TMPRSS15: variants seen among roughly 807,000 people sequenced by gnomAD.
The protein encoded by TMPRSS15 is enteropeptidase.
Under a neutral mutation model 125.3 loss-of-function variants are expected in TMPRSS15, and 128 were observed. That is an observed-to-expected ratio of 1.02 (90% CI 0.89 to 1.18). The LOEUF (loss-of-function observed/expected upper bound fraction) is 1.18. TMPRSS15 is among the 50% of genes most tolerant of loss of function. The pLI is 0.00. For missense variants in TMPRSS15, 1,283 were observed against 1,212.7 expected, an observed-to-expected ratio of 1.06 and a Z score of -0.86; for synonymous variants, 446 against 423.2, an observed-to-expected ratio of 1.05 and a Z score of -0.66.
At chr21:18,379,636 G>A (rs897754145) in intron 4 of TMPRSS15, among the ~76,000 whole-genome samples, 4 of 152,036 alleles carry the variant, frequency 2.6e-5, no homozygotes, top group African/African-American at 7.2e-5. Flanking sequence ...GACCATAGAC[G>A]TAAATGTTCC....
intron 14 of TMPRSS15, 24 bp from the exon 15 acceptor site, chr21:18,329,318 A>C (rs1383142614): frequency 6.2e-7 from 1 of 1,601,846 alleles, no homozygotes; most frequent in Non-Finnish European, 8.5e-7. Context: ...AGTAACATTT[A>C]ATTTGGAACA....
rs147930662 is a variant in TMPRSS15, at chr21:18,387,639, ACACACACACACG to A, written c.345-3873_345-3862del. ...CACACACACACACACACACACACAC[ACACACACACACG>A]CACACACACCCCAAAATCATACAAG... is the stretch of plus-strand genomic sequence containing the variant. On this transcript the variant is annotated intron_variant, in intron 3 of 24. Transcript: ENST00000284885. Among the ~76,000 whole-genome samples, 460 of 140,624 alleles carry A rather than the reference ACACACACACACG, an allele frequency of 3.3e-3. 1 individual carries two copies. The highest frequency in any genetic ancestry group is 0.011 in the African/African-American group (441 of 39,032). 92.3% of individuals were successfully genotyped at this position (140,624 alleles called of 152,430 possible).
At chr21:18,450,253 A>T (rs1290986812) in intron 1 of TMPRSS15, among the ~76,000 whole-genome samples, 2 of 151,668 alleles carry the variant, frequency 1.3e-5, no homozygotes, top group African/African-American at 4.8e-5. Context: ...TGCAAATTTC[A>T]TTGTTTTACA....
chr21:18,372,030 G>A (rs918039619), intron 6 of TMPRSS15, among the ~76,000 whole-genome samples, 163 bp downstream of exon 6: 5 of 150,134 alleles, frequency 3.3e-5, no homozygotes, highest in African/African-American at 9.8e-5. Flanking sequence ...TTAAGATTTT[G>A]TATTATATTT....
At chr21:18,303,629 C>T (rs1479656579) in intron 18 of TMPRSS15, among the ~76,000 whole-genome samples, 1 of 152,102 alleles carries the variant, frequency 6.6e-6, no homozygotes, top group Admixed American at 6.5e-5. Flanking sequence ...TTCCAAATAA[C>T]AGGATCTAAG....
intron 22 of TMPRSS15, among the ~76,000 whole-genome samples, chr21:18,280,523 C>T (rs895481311): frequency 6.8e-6 from 1 of 147,918 alleles, no homozygotes; most frequent in Non-Finnish European, 1.5e-5. Context: ...TTGCAGCGAG[C>T]CAAGACTGTG....
chr21:18,347,542 T>C (rs987455920), intron 10 of TMPRSS15, among the ~76,000 whole-genome samples: 1 of 152,222 alleles, frequency 6.6e-6, no homozygotes, highest in African/African-American at 2.4e-5. Context: ...TTGTATATTT[T>C]ATTTATGTTT....
intron 1 of TMPRSS15, among the ~76,000 whole-genome samples, chr21:18,435,080 ATT>A (rs201980204): frequency 1.3e-5 from 2 of 151,898 alleles, no homozygotes; most frequent in African/African-American, 4.8e-5. Flanking sequence ...AAAAACACCA[ATT>A]TTTTTTACAA....
At chr21:18,477,648 G>C (rs1266233799) in intron 1 of TMPRSS15, 1 of 152,036 alleles carries the variant, frequency 6.6e-6, no homozygotes, top group Non-Finnish European at 1.5e-5. Context: ...TCTCTTCCAG[G>C]CTGGCTTTAC....
intron 1 of TMPRSS15, among the ~76,000 whole-genome samples, chr21:18,401,999 A>C (rs2076099044): frequency 6.6e-6 from 1 of 152,192 alleles, no homozygotes; most frequent in Admixed American, 6.5e-5. Context: ...TTTTTCTAAA[A>C]GTTTAATTCA....
intron 19 of TMPRSS15, among the ~76,000 whole-genome samples, chr21:18,294,886 TC>T (rs1456011913): frequency 6.6e-6 from 1 of 152,222 alleles, no homozygotes; most frequent in Non-Finnish European, 1.5e-5. Flanking sequence ...TTACTCAATA[TC>T]CCTGAGACCC....
In TMPRSS15 at chr21:18,401,692, C is replaced by T. The variant is rs2076095899; in HGVS notation, c.145+1786G>A. Among the ~76,000 whole-genome samples the T allele has an allele frequency of 5.9e-5, 9 of 151,968 alleles. No homozygotes were observed. The South Asian group carries it at 1.9e-3, about 32-fold the overall frequency. ...CCAAACCTCAATATATGCAATATAC[C>T]CAGGTAACAAGCCTGCACATGTGCC... On this transcript the variant is annotated intron_variant, in intron 1 of 24. Transcript: ENST00000284885.
At chr21:18,474,169 A>G (rs1441983719) in intron 1 of TMPRSS15, among the ~76,000 whole-genome samples, 2 of 152,122 alleles carry the variant, frequency 1.3e-5, no homozygotes, top group Non-Finnish European at 2.9e-5. Context: ...GTATGTGGGT[A>G]TTCCTATATC....
intron 8 of TMPRSS15, 30 bp from the exon 9 acceptor site, chr21:18,353,893 G>A (rs777810601): frequency 1.1e-5 from 17 of 1,588,484 alleles, no homozygotes; most frequent in Admixed American, 1.7e-5. Context: ...ACTGTTATAT[G>A]TATATATCTA....
chr21:18,448,478 G>A (rs1296867899), intron 1 of TMPRSS15, among the ~76,000 whole-genome samples: 1 of 151,902 alleles, frequency 6.6e-6, no homozygotes, highest in Non-Finnish European at 1.5e-5. Context: ...TTCCTCATGG[G>A]GCTGTTATAA....
At chr21:18,384,806 T>A (rs2123063582) in intron 3 of TMPRSS15, among the ~76,000 whole-genome samples, 1 of 152,344 alleles carries the variant, frequency 6.6e-6, no homozygotes, top group South Asian at 2.1e-4. Flanking sequence ...ATTCTTGTGA[T>A]ATATGTAAGT....
intron 1 of TMPRSS15, among the ~76,000 whole-genome samples, chr21:18,429,010 G>C (rs2076210505): frequency 6.6e-6 from 1 of 152,202 alleles, no homozygotes; most frequent in Non-Finnish European, 1.5e-5. Context: ...CCACAGGACA[G>C]AGCTGCCCAA....
chr21:18,438,441 C>T (rs564353577), intron 1 of TMPRSS15, among the ~76,000 whole-genome samples: 20 of 151,934 alleles, frequency 1.3e-4, no homozygotes, highest in East Asian at 3.9e-4. Flanking sequence ...CTAACCTGCA[C>T]GTTGTGCACA....
rs2076119220 is a variant in TMPRSS15 at position 18,403,717 on chromosome 21, T to C, written c.-95A>G. The C allele has an allele frequency of 1.3e-6, 2 of 1,522,170 alleles. No individual in the cohort carries two copies. The highest frequency in any genetic ancestry group is 2.8e-5 in the African/African-American group (2 of 72,526). The allele number at this position is 1,522,170 out of a possible 1,614,324, so 94.3% of individuals were successfully genotyped here. On this transcript the variant is annotated 5_prime_UTR_variant, in exon 1 of 25. Coordinates refer to ENST00000284885, the MANE Select transcript of TMPRSS15 (RefSeq NM_002772.3). ...AAAATCTCTCAAATTTTTAAAGATG[T>C]GTAAAGCAACAACCACCTGTCTACA...
Sources: gnomAD v4.1 joint callset for allele counts (sites outside exome capture counted in the v4.1 genomes callset) on GRCh38, gnomAD v4.1.1 for gene constraint, MANE v1.5 for transcripts, NCBI Gene and HGNC (gene_info 2026-07-23, HGNC 2026-07-21) for gene names.